The following UGGT2 variants were observed in gnomAD, a reference collection of about 807,000 sequenced individuals.
The protein encoded by UGGT2 is UDP-glucose:glycoprotein glucosyltransferase 2.
In UGGT2, 180 loss-of-function variants were observed where a neutral mutation model predicts 192.1. The observed-to-expected ratio is 0.94, with a 90% CI of 0.83 to 1.06. The LOEUF (loss-of-function observed/expected upper bound fraction) is 1.06, where lower values mean the gene tolerates loss of function less well. UGGT2 is among the 50% of genes least tolerant of loss of function. UGGT2 has a pLI of 0.00. For missense variants in UGGT2, 1,849 were observed against 1,795.7 expected (o/e 1.03, Z -0.54); for synonymous variants, 580 against 591.0 (o/e 0.98, Z 0.27).
At chr13:95,935,340 G>C (rs1042376177) in intron 17 of UGGT2, among the ~76,000 whole-genome samples, 15 of 152,202 alleles carry the variant, frequency 9.9e-5, no homozygotes, top group South Asian at 2.1e-4. Flanking sequence ...TTCCCTTAAA[G>C]AGCTCTTGTA....
intron 1 of UGGT2, among the ~76,000 whole-genome samples, chr13:96,051,055 C>T (rs1427404803): frequency 6.6e-6 from 1 of 152,142 alleles, no homozygotes; most frequent in African/African-American, 2.4e-5. Flanking sequence ...CGGCACTATT[C>T]ACAATAGCAA....
At chr13:96,042,010 A>G (rs2053178755) in intron 1 of UGGT2, among the ~76,000 whole-genome samples, 1 of 152,056 alleles carries the variant, frequency 6.6e-6, no homozygotes, top group South Asian at 2.1e-4. Flanking sequence ...GATCCTCCCC[A>G]TACTACCACA....
chr13:96,001,526 G>T (rs1284554000), intron 5 of UGGT2, among the ~76,000 whole-genome samples: 3 of 152,112 alleles, frequency 2.0e-5, no homozygotes, highest in Non-Finnish European at 4.4e-5. Flanking sequence ...CTGTTTGGTG[G>T]TCTCTTCACA....
intron 38 of UGGT2, among the ~76,000 whole-genome samples, chr13:95,821,990 T>C (rs141299193): frequency 3.6e-4 from 55 of 152,298 alleles, no homozygotes; most frequent in Non-Finnish European, 7.4e-4. Context: ...TGAAATCTAG[T>C]GATGTGATGC....
At chr13:95,843,011 C>T (rs1239582660) in intron 36 of UGGT2, among the ~76,000 whole-genome samples, 1 of 152,182 alleles carries the variant, frequency 6.6e-6, no homozygotes, top group Non-Finnish European at 1.5e-5. Flanking sequence ...TGTTATGCAG[C>T]AACAGGTAAC....
intron 2 of UGGT2, among the ~76,000 whole-genome samples, chr13:96,031,044 G>A (rs1235122205): frequency 3.3e-5 from 5 of 152,076 alleles, no homozygotes; most frequent in African/African-American, 4.8e-5. Context: ...GTAAACTATG[G>A]ACCTTGCGTA....
chr13:96,046,773 T>C (rs1382290563), intron 1 of UGGT2, among the ~76,000 whole-genome samples: 1 of 152,230 alleles, frequency 6.6e-6, no homozygotes, highest in East Asian at 1.9e-4. Flanking sequence ...CCTACCCTAA[T>C]ACTGCGCTTT....
intron 38 of UGGT2, among the ~76,000 whole-genome samples, chr13:95,802,229 A>G (rs1884094029): frequency 6.6e-6 from 1 of 152,216 alleles, no homozygotes; most frequent in South Asian, 2.1e-4. Context: ...GTCGTCATCT[A>G]AGATGGGAGG....
At chr13:95,903,114 G>T in intron 20 of UGGT2, 54 bp from the exon 21 acceptor site, 2 of 1,518,022 alleles carry the variant, frequency 1.3e-6, no homozygotes. Flanking sequence ...TCATTTTACA[G>T]GTGAATATAT....
intron 33 of UGGT2, among the ~76,000 whole-genome samples, chr13:95,857,645 A>G (rs1390422290): frequency 1.3e-5 from 2 of 152,210 alleles, no homozygotes; most frequent in Non-Finnish European, 2.9e-5. Flanking sequence ...GTAAAAATCC[A>G]AAGCTAAATT....
chr13:96,045,526 A>T (rs1342970205), intron 1 of UGGT2, among the ~76,000 whole-genome samples: 3 of 152,176 alleles, frequency 2.0e-5, no homozygotes, highest in Non-Finnish European at 4.4e-5. Flanking sequence ...CATCCAAATC[A>T]GTAAAGAGGA....
intron 1 of UGGT2, among the ~76,000 whole-genome samples, chr13:96,041,266 T>G (rs908109454): frequency 6.6e-6 from 1 of 152,174 alleles, no homozygotes; most frequent in African/African-American, 2.4e-5. Flanking sequence ...GAGAAGATTC[T>G]GACCTTACCT....
chr13:95,848,495 A>G (rs1566584517), intron 36 of UGGT2, among the ~76,000 whole-genome samples: 1 of 151,952 alleles, frequency 6.6e-6, no homozygotes, highest in Non-Finnish European at 1.5e-5. Flanking sequence ...GTCTAGATTC[A>G]TTTTTTTCTT....
chr13:95,844,730 C>A (rs747689954), intron 36 of UGGT2, among the ~76,000 whole-genome samples: 3 of 152,182 alleles, frequency 2.0e-5, no homozygotes, highest in Non-Finnish European at 4.4e-5. Flanking sequence ...CCCCCTTACC[C>A]GTCCAAGACA....
At chr13:95,904,575 T>C (rs2048220689) in intron 20 of UGGT2, among the ~76,000 whole-genome samples, 1 of 151,874 alleles carries the variant, frequency 6.6e-6, no homozygotes, top group Non-Finnish European at 1.5e-5. Context: ...GATAGTTTAC[T>C]GAGAATGATG....
At chr13:95,910,015 A>G (rs2048435701) in intron 20 of UGGT2, among the ~76,000 whole-genome samples, 1 of 152,048 alleles carries the variant, frequency 6.6e-6, no homozygotes, top group African/African-American at 2.4e-5. Flanking sequence ...AAGGAGAAAT[A>G]AAATCCTTTA....
intron 12 of UGGT2, among the ~76,000 whole-genome samples, chr13:95,960,776 G>A (rs1382783608): frequency 6.6e-6 from 1 of 152,106 alleles, no homozygotes; most frequent in African/African-American, 2.4e-5. Context: ...GAGAAAGAGA[G>A]ATTTCTATAA....
intron 20 of UGGT2, among the ~76,000 whole-genome samples, chr13:95,925,034 A>G (rs891469723): frequency 2.0e-5 from 3 of 152,258 alleles, no homozygotes; most frequent in African/African-American, 7.2e-5. Context: ...TTTGTTATAC[A>G]GCAATAAATT....
chr13:95,893,673 A>G (rs752401406), intron 24 of UGGT2, among the ~76,000 whole-genome samples: 2 of 152,210 alleles, frequency 1.3e-5, no homozygotes, highest in Non-Finnish European at 2.9e-5. Flanking sequence ...TTTGACAGAC[A>G]AAAAATGGTA....
Sources: allele counts gnomAD v4.1 joint callset (sites outside exome capture counted in the v4.1 genomes callset), GRCh38; gene constraint gnomAD v4.1.1; transcripts MANE v1.5; gene names NCBI Gene and HGNC (gene_info 2026-07-23, HGNC 2026-07-21).